PARM1: variants seen among roughly 807,000 people sequenced by gnomAD.
The protein encoded by PARM1 is WSC4, cell wall integrity and stress response component 4 homolog.
In PARM1, 14 loss-of-function variants were observed where a neutral mutation model predicts 24.6. That is an observed-to-expected ratio of 0.57 (90% CI 0.38 to 0.89). The LOEUF is 0.89. PARM1 is among the 40% of genes least tolerant of loss of function. The pLI, the probability that PARM1 is intolerant of heterozygous loss-of-function variation, is 0.00. For synonymous variants in PARM1, 179 were observed against 156.6 expected (o/e 1.14, Z -1.07); for missense variants, 362 against 380.4 (o/e 0.95, Z 0.40).
At chr4:75,045,145 G>C (rs1578063674) in intron 3 of PARM1, among the ~76,000 whole-genome samples, 2 of 152,198 alleles carry the variant, frequency 1.3e-5, no homozygotes, top group East Asian at 3.9e-4. Flanking sequence ...GTGGAGACCT[G>C]GAGGACAATT....
intron 1 of PARM1, among the ~76,000 whole-genome samples, chr4:74,955,547 T>C (rs1384316470): frequency 6.6e-6 from 1 of 152,254 alleles, no homozygotes; most frequent in Non-Finnish European, 1.5e-5. Context: ...CTAGTAAGGT[T>C]AAGAATATCT....
chr4:75,041,441 T>C (rs925381117), intron 3 of PARM1, among the ~76,000 whole-genome samples: 1 of 152,174 alleles, frequency 6.6e-6, no homozygotes, highest in Non-Finnish European at 1.5e-5. Context: ...GCACTAATGA[T>C]TGAATGGCAA....
At chr4:74,989,450 C>A (rs1468876805) in intron 1 of PARM1, among the ~76,000 whole-genome samples, 2 of 152,126 alleles carry the variant, frequency 1.3e-5, no homozygotes. Flanking sequence ...AGATGAACAG[C>A]CAAATAAAGA....
At chr4:74,953,836 G>A (rs1721577501) in intron 1 of PARM1, among the ~76,000 whole-genome samples, 1 of 152,158 alleles carries the variant, frequency 6.6e-6, no homozygotes, top group African/African-American at 2.4e-5. Flanking sequence ...ACTGAGGGAA[G>A]CAGGTGAGCC....
At chr4:74,992,550 A>T (rs1271873683) in intron 1 of PARM1, among the ~76,000 whole-genome samples, 1 of 152,138 alleles carries the variant, frequency 6.6e-6, no homozygotes, top group Non-Finnish European at 1.5e-5. Context: ...CATCTTAATG[A>T]AATTTTTTAA....
intron 1 of PARM1, among the ~76,000 whole-genome samples, chr4:74,977,638 A>G (rs1368570519): frequency 6.6e-6 from 1 of 152,206 alleles, no homozygotes; most frequent in Non-Finnish European, 1.5e-5. Flanking sequence ...ACTCTATGAG[A>G]AAAATCAACT....
At chr4:74,987,229 G>A (rs1047103938) in intron 1 of PARM1, among the ~76,000 whole-genome samples, 1 of 152,110 alleles carries the variant, frequency 6.6e-6, no homozygotes, top group Non-Finnish European at 1.5e-5. Flanking sequence ...CTAGAGGAAA[G>A]AATCTGGTCC....
intron 1 of PARM1, among the ~76,000 whole-genome samples, chr4:74,949,500 G>A (rs989174071): frequency 1.3e-5 from 2 of 152,174 alleles, no homozygotes; most frequent in African/African-American, 4.8e-5. Context: ...TTTTAGTAGA[G>A]ATGGGGTTTC....
chr4:74,955,877 T>TA (rs1275869588), intron 1 of PARM1: 3 of 152,226 alleles, frequency 2.0e-5, no homozygotes, highest in Admixed American at 6.5e-5. Flanking sequence ...TCATAAAACT[T>TA]ACATTTTAAT....
chr4:74,935,848 A>T (rs983666099), intron 1 of PARM1, among the ~76,000 whole-genome samples: 2 of 152,040 alleles, frequency 1.3e-5, no homozygotes, highest in Non-Finnish European at 2.9e-5. Flanking sequence ...AAATATATTT[A>T]TATATTTTTA....
intron 1 of PARM1, among the ~76,000 whole-genome samples, chr4:74,935,157 C>A (rs1202142679): frequency 1.3e-5 from 2 of 152,046 alleles, no homozygotes; most frequent in Non-Finnish European, 2.9e-5. Flanking sequence ...GGATCAGAGC[C>A]CAGATGGTCA....
At position 75,012,877 on chromosome 4, in the gene PARM1, C is replaced by A; in HGVS notation, c.496C>A (p.Pro166Thr). ...SSPSSLSTSP[P>T]EVFSASVTTN... ...ACCCTCATCCCTATCAACCTCACCA[C>A]CTGAGGTCTTTTCTGCCTCCGTTAC... The change falls in exon 2 of 4, where the codon CCT becomes ACT. Residue 166 changes from proline (P) to threonine (T), a missense_variant. Pro to Thr is a conservative substitution (Grantham distance 38, BLOSUM62 -1). Coordinates refer to ENST00000307428, the MANE Select transcript of PARM1 (RefSeq NM_015393.4). The A allele has an allele frequency of 6.2e-7, 1 of 1,613,930 alleles. No individual in the cohort carries two copies. The highest frequency in any genetic ancestry group is 8.5e-7 in the Non-Finnish European group (1 of 1,179,840).
intron 2 of PARM1, among the ~76,000 whole-genome samples, chr4:75,032,174 G>A (rs1446533037): frequency 6.6e-6 from 1 of 152,222 alleles, no homozygotes; most frequent in Non-Finnish European, 1.5e-5. Flanking sequence ...ATCTGTGAGT[G>A]TTCAGAAGCT....
At chr4:74,981,614 T>C (rs1414372537) in intron 1 of PARM1, among the ~76,000 whole-genome samples, 1 of 152,108 alleles carries the variant, frequency 6.6e-6, no homozygotes, top group African/African-American at 2.4e-5. Flanking sequence ...TGGTGGCTCA[T>C]GCCTGTAATC....
intron 1 of PARM1, among the ~76,000 whole-genome samples, chr4:74,955,310 T>C (rs1317539529): frequency 1.3e-5 from 2 of 152,168 alleles, no homozygotes; most frequent in East Asian, 1.9e-4. Context: ...CCAGTTGTCA[T>C]CTGTTAAATA....
chr4:74,933,494 G>GGT, intron 1 of PARM1, 124 bp downstream of exon 1: 1 of 782,382 alleles, frequency 1.3e-6, no homozygotes, highest in East Asian at 2.6e-5. Context: ...TGAGTGCGCA[G>GGT]GTGTGTGCGC....
intron 1 of PARM1, among the ~76,000 whole-genome samples, chr4:74,968,412 G>T (rs2109993325): frequency 6.6e-6 from 1 of 152,318 alleles, no homozygotes; most frequent in East Asian, 1.9e-4. Flanking sequence ...AAGCATTATT[G>T]TTTATAAGGA....
intron 1 of PARM1, among the ~76,000 whole-genome samples, chr4:74,951,399 T>C (rs1721518869): frequency 6.6e-6 from 1 of 152,216 alleles, no homozygotes; most frequent in African/African-American, 2.4e-5. Context: ...AATGATACTT[T>C]TCCTTTGTTT....
At chr4:75,014,220 G>GAAC (rs1722934266) in intron 2 of PARM1, among the ~76,000 whole-genome samples, 1 of 152,176 alleles carries the variant, frequency 6.6e-6, no homozygotes, top group African/African-American at 2.4e-5. Flanking sequence ...AGTGGAGGTA[G>GAAC]GAAGAGATAG....
Sources: allele counts gnomAD v4.1 joint callset (sites outside exome capture counted in the v4.1 genomes callset), GRCh38; gene constraint gnomAD v4.1.1; transcripts MANE v1.5; gene names NCBI Gene and HGNC (gene_info 2026-07-23, HGNC 2026-07-21).